Variants in SMG6 observed in about 807,000 individuals in gnomAD.
SMG6 encodes the protein telomerase-binding protein EST1A.
In SMG6, 66 loss-of-function variants were observed where a neutral mutation model predicts 142.2. That is an observed-to-expected ratio of 0.46 (90% CI 0.38 to 0.57). The LOEUF (loss-of-function observed/expected upper bound fraction) is 0.57. Among genes scored for constraint, SMG6 ranks in the 20% least tolerant of loss-of-function variants. The probability of loss-of-function intolerance (pLI) is 0.00; values close to 1 mark genes in which losing one functional copy is unlikely to be tolerated. For synonymous variants in SMG6, 779 were observed against 702.4 expected, an observed-to-expected ratio of 1.11 and a Z score of -1.72; for missense variants, 1,793 against 1,832.0, an observed-to-expected ratio of 0.98 and a Z score of 0.39.
chr17:2,218,791 C>A (rs571457650), intron 10 of SMG6, among the ~76,000 whole-genome samples: 1 of 152,210 alleles, frequency 6.6e-6, no homozygotes, highest in South Asian at 2.1e-4. Flanking sequence ...ACAGAATGCA[C>A]AACACCGAGA....
intron 13 of SMG6, chr17:2,088,700 G>T (rs2068632677): frequency 4.1e-6 from 4 of 985,406 alleles, no homozygotes; most frequent in Non-Finnish European, 4.8e-6. Flanking sequence ...GTGTACTGTG[G>T]GAGTGAGAAG....
chr17:2,186,476 G>A (rs774326526), intron 12 of SMG6, among the ~76,000 whole-genome samples, 187 bp downstream of exon 12: 37 of 152,110 alleles, frequency 2.4e-4, no homozygotes, highest in Non-Finnish European at 3.7e-4. Flanking sequence ...GAGGCCTGGA[G>A]AACAGGAAAA....
chr17:2,059,968 AG>A lies in SMG6; in HGVS notation c.*1523del, dbSNP rs2151372824. ...CTTCCAGCTGGGGAGAGAATCTTAA[AG>A]GAGAGGCCGGGGACCCTGTACTCCA... On this transcript the variant is annotated 3_prime_UTR_variant, in exon 19 of 19. Transcript: ENST00000263073. 1 of 152,502 alleles carries A rather than the reference AG, an allele frequency of 6.6e-6. No individual in the cohort carries two copies. The highest frequency in any genetic ancestry group is 2.1e-4 in the South Asian group (1 of 4,828). 9.4% of individuals were successfully genotyped at this position (152,502 alleles called of 1,614,324 possible).
At chr17:2,154,062 T>C (rs1315152490) in intron 13 of SMG6, among the ~76,000 whole-genome samples, 1 of 101,646 alleles carries the variant, frequency 9.8e-6, no homozygotes, top group Non-Finnish European at 1.9e-5. Context: ...GCATATAGAG[T>C]GTGACGGTGA....
At chr17:2,146,129 A>G (rs1056308308) in intron 13 of SMG6, among the ~76,000 whole-genome samples, 1 of 152,224 alleles carries the variant, frequency 6.6e-6, no homozygotes, top group African/African-American at 2.4e-5. Context: ...ATTCTCAAAA[A>G]ACAATAGTAA....
intron 10 of SMG6, among the ~76,000 whole-genome samples, chr17:2,232,075 C>A: frequency 1.3e-5 from 2 of 148,914 alleles, no homozygotes; most frequent in Admixed American, 6.7e-5. Context: ...AAAGAGAGAA[C>A]AAGAGGGGGA....
intron 10 of SMG6, among the ~76,000 whole-genome samples, chr17:2,199,204 T>C (rs566628005): frequency 2.2e-4 from 33 of 152,324 alleles, no homozygotes; most frequent in African/African-American, 7.2e-4. Flanking sequence ...ACCAATGGTA[T>C]GCACATTCTT....
At chr17:2,230,140 C>T (rs1374171743) in intron 10 of SMG6, among the ~76,000 whole-genome samples, 1 of 124,702 alleles carries the variant, frequency 8.0e-6, no homozygotes, top group African/African-American at 3.0e-5. Flanking sequence ...GAGCTGAGAT[C>T]GTGCCACTGC....
At chr17:2,082,029 AT>A (rs1423534754) in intron 14 of SMG6, 73 bp from the exon 15 acceptor site, 1 of 1,546,154 alleles carries the variant, frequency 6.5e-7, no homozygotes, top group African/African-American at 1.4e-5. Context: ...TGAACCCAAC[AT>A]TGCCCTTGTG....
rs746297201 is a variant in SMG6 at position 2,081,826 on chromosome 17, C to T, written c.3665G>A (p.Arg1222His). Residue 1222 changes from arginine (R) to histidine (H), a missense_variant, in exon 15 of 19, where the codon CGC becomes CAC. Arg to His is a conservative substitution (Grantham distance 29). Around this residue, in one of 3 missense-constraint regions of SMG6, gnomAD observed 1,597 missense variants for 1,584.6 expected, o/e 1.01. Coordinates refer to ENST00000263073, the MANE Select transcript of SMG6 (RefSeq NM_017575.5). ...CGACTTCACCTGGATCTTTTCCTGG[C>T]GACGCTGCTGCTCAGCTATCTTCCT... ...LARKIAEQQRRQEKIQAVLED... is the reference protein window; with the variant it reads ...LARKIAEQQRHQEKIQAVLED... The T allele has an allele frequency of 6.2e-6, 10 of 1,613,608 alleles. No individual in the cohort carries two copies. The highest frequency in any genetic ancestry group is 3.3e-5 in the Admixed American group (2 of 60,024).
At position 2,091,449 on chromosome 17, in the gene SMG6, G is replaced by A. The variant is rs186556124; in HGVS notation, c.3358-5548C>T. The stretch of plus-strand genomic sequence containing the variant: ...ATGAAATTGAGAAAGAGGCTCATGG[G>A]TCAGAGAGGAGGGAAAGAAAGAACC... On this transcript the variant is annotated intron_variant, in intron 13 of 18. Transcript: ENST00000263073. Among the ~76,000 whole-genome samples, 16 of 152,254 alleles carry A rather than the reference G, an allele frequency of 1.1e-4. No homozygotes were observed. The South Asian group carries it at 1.2e-3, about 12-fold the overall frequency.
chr17:2,244,734 G>C lies in SMG6; in HGVS notation c.2662-15C>G, dbSNP rs767562632. On this transcript the variant is annotated splice_polypyrimidine_tract_variant and intron_variant, in intron 8 of 18. Transcript: ENST00000263073. ...CTTTTGTTCAGCTGCATGGGAAAAA[G>C]GGAGAGGAGAAAACAATTAAACTTT... 4 of 1,609,920 alleles carry C rather than the reference G, an allele frequency of 2.5e-6. No homozygotes were observed. Among genetic ancestry groups the C allele is most frequent in the Non-Finnish European group, 2.6e-6 (3 of 1,176,332 alleles).
intron 8 of SMG6, among the ~76,000 whole-genome samples, chr17:2,280,215 A>G (rs1241792936): frequency 6.6e-6 from 1 of 152,138 alleles, no homozygotes; most frequent in African/African-American, 2.4e-5. Context: ...TAAAAATGGC[A>G]GTGTGGTTTC....
chr17:2,128,939 TGAAA>T (rs1264033914), intron 13 of SMG6, among the ~76,000 whole-genome samples: 1 of 146,174 alleles, frequency 6.8e-6, no homozygotes, highest in Non-Finnish European at 1.5e-5. Context: ...TTTAAGAAAA[TGAAA>T]GAAATATGTT....
intron 13 of SMG6, among the ~76,000 whole-genome samples, chr17:2,158,097 G>A (rs1362057609): frequency 6.6e-6 from 1 of 152,172 alleles, no homozygotes; most frequent in Non-Finnish European, 1.5e-5. Context: ...TTTTTAAATG[G>A]CATGTGAGAA....
At chr17:2,267,614 C>T (rs908847630) in intron 8 of SMG6, among the ~76,000 whole-genome samples, 9 of 152,096 alleles carry the variant, frequency 5.9e-5, no homozygotes, top group African/African-American at 2.2e-4. Flanking sequence ...AAGCACTTAC[C>T]TACTAGTGCA....
chr17:2,188,540 C>A (rs2072063563), intron 10 of SMG6, 25 bp from the exon 11 acceptor site: 1 of 1,603,084 alleles, frequency 6.2e-7, no homozygotes, highest in Non-Finnish European at 8.5e-7. Context: ...ATGAAACTCT[C>A]AGCGCCCCAG....
intron 6 of SMG6, among the ~76,000 whole-genome samples, chr17:2,290,857 G>A (rs1048640273): frequency 1.3e-5 from 2 of 152,158 alleles, no homozygotes; most frequent in South Asian, 4.1e-4. Context: ...ATGAAAAGAC[G>A]CTCAACATCG....
chr17:2,299,219 G>A lies in SMG6; in HGVS notation c.1534C>T (p.Arg512Trp), dbSNP rs199671426. The A allele has an allele frequency of 3.5e-5, 56 of 1,613,814 alleles. No homozygotes were observed. Among genetic ancestry groups the A allele is most frequent in the African/African-American group, 8.0e-5 (6 of 75,012 alleles). The part of the protein sequence containing the change: ...QNSDNPYYYP[R>W]TPGPASQYPY... The stretch of plus-strand genomic sequence containing the variant: ...TACTGGGAGGCAGGGCCTGGTGTCC[G>A]GGGGTAATAATAGGGGTTGTCAGAG... Residue 512 changes from arginine (R) to tryptophan (W), a missense_variant, in exon 2 of 19, where the codon CGG becomes TGG. Physicochemically the swap from Arg to Trp is moderately radical, Grantham distance 101 (BLOSUM62 -3). This residue lies in a region of SMG6 where 1,597 missense variants were observed against 1,584.6 expected (regional missense o/e 1.01). Coordinates refer to ENST00000263073, the MANE Select transcript of SMG6 (RefSeq NM_017575.5). This position sits in a 1 kb window ranked among gnomAD's most constrained non-coding sequence, Gnocchi z 4.3.
Sources: allele counts gnomAD v4.1 joint callset (sites outside exome capture counted in the v4.1 genomes callset), GRCh38; gene constraint gnomAD v4.1.1; regional missense constraint gnomAD v4.1.1; non-coding constraint Gnocchi (gnomAD v3.1); transcripts MANE v1.5; gene names NCBI Gene and HGNC (gene_info 2026-07-23, HGNC 2026-07-21).